KLHL22: variants seen among roughly 807,000 people sequenced by gnomAD.
KLHL22 encodes kelch-like protein 22.
KLHL22 carries 18 observed loss-of-function variants against 60.7 expected under a neutral mutation model. That is an observed-to-expected ratio of 0.30 (90% CI 0.20 to 0.44). The LOEUF (loss-of-function observed/expected upper bound fraction) is 0.44, where lower values mean the gene tolerates loss of function less well. KLHL22 is among the 20% of genes least tolerant of loss of function. KLHL22 has a pLI of 1.00. For synonymous variants in KLHL22, 355 were observed against 354.5 expected (o/e 1.00, Z -0.01); for missense variants, 596 against 852.3 (o/e 0.70, Z 3.74).
rs115812037 is a variant in KLHL22 at position 20,489,221 on chromosome 22, C to T, written c.-10G>A. 1.8e-4 allele frequency: 290 copies of T among 1,613,722 alleles called. 1 individual carries two copies. In the African/African-American group the frequency reaches 3.5e-3, roughly 20 times the overall value. Reference sequence around the variant, plus strand: ...CCTGCTCCTCTGCCATCCTGACAGCCACAAGATCCCTTACAACTGTGGCCT... The same window carrying T: ...CCTGCTCCTCTGCCATCCTGACAGCTACAAGATCCCTTACAACTGTGGCCT... On this transcript the variant is annotated 5_prime_UTR_variant, in exon 2 of 7. Transcript: ENST00000328879.
Position 20,489,116 on chromosome 22 carries a change from G to C in KLHL22, c.96C>G (p.His32Gln). 1 of 1,614,170 alleles carries C rather than the reference G, an allele frequency of 6.2e-7. No homozygotes were observed. The highest frequency in any genetic ancestry group is 8.5e-7 in the Non-Finnish European group (1 of 1,180,040). ...CVNNTYRSAQ[H>Q]SQALLRGLLA... ...GCAGCCCTCGGAGCAGAGCCTGGGA[G>C]TGCTGTGCGCTGCGGTAGGTGTTGT... is the stretch of plus-strand genomic sequence containing the variant. Residue 32 changes from histidine (H) to glutamine (Q), a missense_variant, in exon 2 of 7, where the codon CAC (histidine) becomes CAG (glutamine). By Grantham distance (24) the His-to-Gln change is conservative. Coordinates refer to ENST00000328879, the MANE Select transcript of KLHL22 (RefSeq NM_032775.4).
chr22:20,478,690 A>G (rs1430887159), intron 2 of KLHL22, among the ~76,000 whole-genome samples: 3 of 146,800 alleles, frequency 2.0e-5, no homozygotes, highest in Admixed American at 6.8e-5. Flanking sequence ...AATTTTTTGT[A>G]TTTTTAGTAG....
chr22:20,467,452 T>G (rs1014625309), intron 3 of KLHL22, among the ~76,000 whole-genome samples: 1 of 152,174 alleles, frequency 6.6e-6, no homozygotes, highest in Non-Finnish European at 1.5e-5. Context: ...CACCCTGGTG[T>G]TTGATGCTTC....
chr22:20,462,971 C>T (rs952725567), intron 4 of KLHL22, among the ~76,000 whole-genome samples: 1 of 152,126 alleles, frequency 6.6e-6, no homozygotes, highest in South Asian at 2.1e-4. Flanking sequence ...AATCTTGTTT[C>T]CTTATATTCT....
In KLHL22 at chr22:20,483,567, G is replaced by A. The variant is rs556322949; in HGVS notation, c.227+5418C>T. ...TCACTTTGCGAAGCCCATGTATGTC[G>A]CTCTCCACAGACTAGTGCATGGGCA... On this transcript the variant is annotated intron_variant, in intron 2 of 6. Coordinates refer to ENST00000328879, the MANE Select transcript of KLHL22 (RefSeq NM_032775.4). 45 of 723,896 alleles carry A rather than the reference G, an allele frequency of 6.2e-5. No individual in the cohort carries two copies. In the East Asian group the frequency reaches 9.1e-4, roughly 15 times the overall value. The allele number at this position is 723,896 out of a possible 1,614,324, so 44.8% of individuals were successfully genotyped here.
At chr22:20,477,548 G>GTATTT (rs2053434357) in intron 2 of KLHL22, among the ~76,000 whole-genome samples, 1 of 152,160 alleles carries the variant, frequency 6.6e-6, no homozygotes, top group South Asian at 2.1e-4. Context: ...TGAGGCTGCA[G>GTATTT]TGAGCTATGA....
intron 4 of KLHL22, among the ~76,000 whole-genome samples, chr22:20,461,028 C>T (rs73384259): frequency 0.035 from 5,387 of 152,266 alleles, 314 homozygotes; most frequent in African/African-American, 0.12. Context: ...AGAACACAGA[C>T]GGAAAGGACC....
Position 20,444,593 on chromosome 22 carries a change from T to C in KLHL22, c.1539+1850A>G, listed in dbSNP as rs115435502. Among the ~76,000 whole-genome samples the C allele has an allele frequency of 6.4e-3, 977 of 152,240 alleles. 12 individuals carry two copies. Among genetic ancestry groups the C allele is most frequent in the African/African-American group, 0.023 (939 of 41,538 alleles). On this transcript the variant is annotated intron_variant, in intron 6 of 6. Transcript: ENST00000328879. ...TCTGAGAATCACACTTTGAGAACTG[T>C]TGCATGAACCTAAGGAAATAATCCA...
chr22:20,448,594 T>G (rs1336094625), intron 5 of KLHL22, among the ~76,000 whole-genome samples: 1 of 152,242 alleles, frequency 6.6e-6, no homozygotes, highest in African/African-American at 2.4e-5. Flanking sequence ...AGACAGGGTC[T>G]TGGTCTATTG....
intron 2 of KLHL22, among the ~76,000 whole-genome samples, chr22:20,485,520 G>A (rs2146278887): frequency 6.6e-6 from 1 of 152,308 alleles, no homozygotes; most frequent in East Asian, 1.9e-4. Flanking sequence ...AAGCTCTCCA[G>A]AGGAGGAGGC....
At position 20,470,183 on chromosome 22, in the gene KLHL22, T is replaced by C. The variant is rs9611669; in HGVS notation, c.393+1167A>G. On this transcript the variant is annotated intron_variant, in intron 3 of 6. Transcript: ENST00000328879. ...ACAAGGCCCCATTCCTATAAAAAAA[T>C]ATATATATATATAATATCAGCTAGG... is the stretch of plus-strand genomic sequence containing the variant. Among the ~76,000 whole-genome samples, 12 of 149,824 alleles carry C rather than the reference T, an allele frequency of 8.0e-5. No homozygotes were observed. In the East Asian group the frequency reaches 2.2e-3, roughly 27 times the overall value.
chr22:20,466,157 C>T (rs1226551201), intron 3 of KLHL22, among the ~76,000 whole-genome samples: 5 of 151,882 alleles, frequency 3.3e-5, no homozygotes, highest in African/African-American at 9.7e-5. Context: ...GGGTGTATCA[C>T]GAGGTCAGGA....
chr22:20,492,594 C>T (rs920537778), intron 1 of KLHL22, among the ~76,000 whole-genome samples: 4 of 144,812 alleles, frequency 2.8e-5, no homozygotes, highest in Admixed American at 7.0e-5. Flanking sequence ...CAAACCTGCC[C>T]TTTTTTTTTT....
At chr22:20,474,248 C>T (rs1398604822) in intron 2 of KLHL22, among the ~76,000 whole-genome samples, 1 of 152,162 alleles carries the variant, frequency 6.6e-6, no homozygotes, top group African/African-American at 2.4e-5. Flanking sequence ...ATCTGCCTGC[C>T]TCGGCCTCCC....
In KLHL22 at chr22:20,495,705, C is replaced by A. The variant is rs966483161; in HGVS notation, c.-34+55G>T. 6.6e-6 allele frequency: 1 copy of A among 151,592 alleles called. No individual in the cohort carries two copies. The highest frequency in any genetic ancestry group is 1.5e-5 in the Non-Finnish European group (1 of 67,670). The allele number at this position is 151,592 out of a possible 1,614,324, so 9.4% of individuals were successfully genotyped here. A position where few individuals can be genotyped will look rare whatever the true frequency, so the allele number is the denominator to read the frequency against. Reference sequence around the variant, plus strand: ...CGGCCCAGCGATGCCTGCTTGCCGCCCGACCCCCGCGTTCGCTGCCGCCCG... The same window carrying A: ...CGGCCCAGCGATGCCTGCTTGCCGCACGACCCCCGCGTTCGCTGCCGCCCG... On this transcript the variant is annotated intron_variant, in intron 1 of 6. Coordinates refer to ENST00000328879, the MANE Select transcript of KLHL22 (RefSeq NM_032775.4). The surrounding 1 kb of genome is among the most constrained non-coding windows in gnomAD (Gnocchi z 4.6).
intron 5 of KLHL22, among the ~76,000 whole-genome samples, chr22:20,457,001 T>C (rs2053073298): frequency 6.6e-6 from 1 of 151,536 alleles, no homozygotes; most frequent in Non-Finnish European, 1.5e-5. Flanking sequence ...CCACAAATGC[T>C]ATGCCAGTAC....
intron 2 of KLHL22, among the ~76,000 whole-genome samples, chr22:20,476,576 G>A (rs1433884967): frequency 6.6e-6 from 1 of 150,994 alleles, no homozygotes; most frequent in Non-Finnish European, 1.5e-5. Context: ...ACGTCGCCCG[G>A]CTAATTTTTT....
At chr22:20,483,029 G>T in intron 2 of KLHL22, 1 of 674,346 alleles carries the variant, frequency 1.5e-6, no homozygotes, top group South Asian at 1.6e-5. Flanking sequence ...CTACTCCTAG[G>T]CCTGGCACTG....
chr22:20,451,486 A>G, intron 5 of KLHL22: 1 of 1,598,338 alleles, frequency 6.3e-7, no homozygotes, highest in Non-Finnish European at 8.6e-7. Flanking sequence ...GACTAATGTT[A>G]CACCAATGGC....
Sources: allele counts gnomAD v4.1 joint callset (sites outside exome capture counted in the v4.1 genomes callset), GRCh38; gene constraint gnomAD v4.1.1; non-coding constraint Gnocchi (gnomAD v3.1); transcripts MANE v1.5; gene names NCBI Gene and HGNC (gene_info 2026-07-23, HGNC 2026-07-21).